SGPP2: variants seen among roughly 807,000 people sequenced by gnomAD.
SGPP2 encodes sphingosine-1-phosphate phosphatase 2, also known as sphingosine 1-phosphate phosphohydrolase 2.
In SGPP2, 30 loss-of-function variants were observed where a neutral mutation model predicts 33.9. That is an observed-to-expected ratio of 0.89 (90% confidence interval 0.66 to 1.20). SGPP2 has a LOEUF of 1.20. Among genes scored for constraint, SGPP2 ranks in the 50% most tolerant of loss-of-function variants. SGPP2 has a pLI of 0.00. For synonymous variants in SGPP2, 233 were observed against 225.0 expected, an observed-to-expected ratio of 1.04 and a Z score of -0.32; for missense variants, 458 against 532.1, an observed-to-expected ratio of 0.86 and a Z score of 1.37.
intron 4 of SGPP2, among the ~76,000 whole-genome samples, chr2:222,536,277 A>G: frequency 6.6e-6 from 1 of 152,228 alleles, no homozygotes; most frequent in East Asian, 1.9e-4. Flanking sequence ...TGTAAAACGA[A>G]TCTGACCTTC....
At chr2:222,548,683 C>T (rs1689242955) in intron 4 of SGPP2, among the ~76,000 whole-genome samples, 1 of 152,146 alleles carries the variant, frequency 6.6e-6, no homozygotes, top group Admixed American at 6.5e-5. Flanking sequence ...TCCCTATGGA[C>T]ATTGATGTGC....
At chr2:222,541,542 A>G (rs1240239652) in intron 4 of SGPP2, among the ~76,000 whole-genome samples, 2 of 152,154 alleles carry the variant, frequency 1.3e-5, no homozygotes, top group African/African-American at 2.4e-5. Context: ...GCTTACTTGT[A>G]TAGGACAAGA....
At chr2:222,536,179 T>A (rs941438120) in intron 4 of SGPP2, among the ~76,000 whole-genome samples, 8 of 152,196 alleles carry the variant, frequency 5.3e-5, no homozygotes, top group Non-Finnish European at 1.0e-4. Context: ...GGTAGTTTCA[T>A]TGAAGGGTGA....
chr2:222,538,205 G>A (rs1698942285), intron 4 of SGPP2, among the ~76,000 whole-genome samples: 1 of 152,128 alleles, frequency 6.6e-6, no homozygotes, highest in South Asian at 2.1e-4. Flanking sequence ...AGTTTTGGGG[G>A]GAATTATGCA....
intron 4 of SGPP2, among the ~76,000 whole-genome samples, chr2:222,526,131 A>G (rs1257241418): frequency 6.6e-6 from 1 of 152,248 alleles, no homozygotes; most frequent in East Asian, 1.9e-4. Context: ...AAAGAGTGCT[A>G]AAAATCTCAG....
chr2:222,548,800 A>G (rs1689245105), intron 4 of SGPP2, among the ~76,000 whole-genome samples: 1 of 152,238 alleles, frequency 6.6e-6, no homozygotes, highest in Non-Finnish European at 1.5e-5. Flanking sequence ...ATTCATATTC[A>G]TGAATAATGT....
intron 4 of SGPP2, among the ~76,000 whole-genome samples, chr2:222,525,281 C>T (rs373623046): frequency 1.3e-5 from 2 of 152,284 alleles, no homozygotes; most frequent in Admixed American, 6.5e-5. Flanking sequence ...GCTAGAACAG[C>T]GTTGGAGACT....
intron 2 of SGPP2, among the ~76,000 whole-genome samples, chr2:222,495,468 A>G (rs1047289779): frequency 6.6e-6 from 1 of 152,160 alleles, no homozygotes; most frequent in Non-Finnish European, 1.5e-5. Flanking sequence ...TTTATATTCA[A>G]ATTTTCTCCT....
chr2:222,446,339 C>CAAT, intron 1 of SGPP2, among the ~76,000 whole-genome samples: 1 of 90,596 alleles, frequency 1.1e-5, no homozygotes, highest in Non-Finnish European at 2.4e-5. Context: ...AAACAAACAA[C>CAAT]CCAAGAAAAC....
At position 222,558,660 on chromosome 2, in the gene SGPP2, T is replaced by C; in HGVS notation, c.962T>C (p.Leu321Ser). ...ATCCCACCACTCACCACCTACATGT[T>C]AGTTTTGGGTCTGACCAAATTTGCA... Reference protein sequence around the residue: ...QNIPPLTTYMLVLGLTKFAVG... With the variant: ...QNIPPLTTYMSVLGLTKFAVG... The change falls in exon 5 of 5, where the codon TTA becomes TCA. Residue 321 changes from leucine (L) to serine (S), a missense_variant. Physicochemically the swap from Leu to Ser is moderately radical, Grantham distance 145. Transcript: ENST00000321276. The C allele has an allele frequency of 1.2e-6, 2 of 1,614,206 alleles. No individual in the cohort carries two copies. The highest frequency in any genetic ancestry group is 2.2e-5 in the South Asian group (2 of 91,084).
chr2:222,509,111 G>A (rs1217552549), intron 2 of SGPP2, among the ~76,000 whole-genome samples: 1 of 151,702 alleles, frequency 6.6e-6, no homozygotes, highest in Non-Finnish European at 1.5e-5. Flanking sequence ...AGACCACAGA[G>A]CACTTTGTAT....
chr2:222,528,929 C>T (rs377690641), intron 4 of SGPP2, among the ~76,000 whole-genome samples: 10 of 152,178 alleles, frequency 6.6e-5, no homozygotes, highest in Admixed American at 6.5e-4. Context: ...TTAAAATAGA[C>T]AACAATGAAG....
At position 222,488,560 on chromosome 2, in the gene SGPP2, G is replaced by C. The variant is rs968406751; in HGVS notation, c.378+13834G>C. Among the ~76,000 whole-genome samples, 5 of 152,224 alleles carry C rather than the reference G, an allele frequency of 3.3e-5. No individual in the cohort carries two copies. The South Asian group carries it at 8.3e-4, about 25-fold the overall frequency. On this transcript the variant is annotated intron_variant, in intron 2 of 4. Coordinates refer to ENST00000321276, the MANE Select transcript of SGPP2 (RefSeq NM_152386.4). ...TAAAACTGATCCCAGTGCTAAATAG[G>C]CTGGGAACTGCTGCTTGAGATACTG...
chr2:222,466,046 C>T (rs1697739794), intron 1 of SGPP2, among the ~76,000 whole-genome samples: 1 of 152,096 alleles, frequency 6.6e-6, no homozygotes, highest in Non-Finnish European at 1.5e-5. Flanking sequence ...GAAATCCCAG[C>T]ACCTTGGGAG....
Position 222,550,952 on chromosome 2 carries a change from G to A in SGPP2, c.649-7395G>A, listed in dbSNP as rs905733949. Among the ~76,000 whole-genome samples, 1 of 152,152 alleles carries A rather than the reference G, an allele frequency of 6.6e-6. No individual in the cohort carries two copies. Among genetic ancestry groups the A allele is most frequent in the Non-Finnish European group, 1.5e-5 (1 of 68,032 alleles). Reference sequence around the variant, plus strand: ...CAATTCCTAGGAGTGGAATCACTGGGTCTAGGTGTTTGAATATGCTGTATA... The same window carrying A: ...CAATTCCTAGGAGTGGAATCACTGGATCTAGGTGTTTGAATATGCTGTATA... On this transcript the variant is annotated intron_variant, in intron 4 of 4. Transcript: ENST00000321276. The surrounding 1 kb of genome is among the most constrained non-coding windows in gnomAD (Gnocchi z 4.5).
At chr2:222,435,051 C>CATAT (rs1697218969) in intron 1 of SGPP2, among the ~76,000 whole-genome samples, 1 of 136,732 alleles carries the variant, frequency 7.3e-6, no homozygotes, top group Non-Finnish European at 1.6e-5. Flanking sequence ...TATATATATA[C>CATAT]ACACATATAC....
At chr2:222,546,801 G>A (rs922837218) in intron 4 of SGPP2, among the ~76,000 whole-genome samples, 13 of 135,138 alleles carry the variant, frequency 9.6e-5, no homozygotes, top group Non-Finnish European at 1.2e-4. Flanking sequence ...TAATTCAGAC[G>A]TTTTTATTCT....
chr2:222,501,823 A>G (rs1698372022), intron 2 of SGPP2, among the ~76,000 whole-genome samples: 2 of 152,254 alleles, frequency 1.3e-5, no homozygotes, highest in African/African-American at 4.8e-5. Flanking sequence ...ACATATTAGA[A>G]AAATCCAAAT....
At chr2:222,431,240 AG>A (rs1697150263) in intron 1 of SGPP2, among the ~76,000 whole-genome samples, 1 of 151,930 alleles carries the variant, frequency 6.6e-6, no homozygotes. Flanking sequence ...TCTTGAGGTC[AG>A]GAGTTGTAAT....
Sources: gnomAD v4.1 joint callset for allele counts (sites outside exome capture counted in the v4.1 genomes callset) on GRCh38, gnomAD v4.1.1 for gene constraint, Gnocchi (gnomAD v3.1) non-coding constraint, MANE v1.5 for transcripts, NCBI Gene and HGNC (gene_info 2026-07-23, HGNC 2026-07-21) for gene names.